Variants in MOXD1 observed in about 807,000 individuals in gnomAD.
The protein encoded by MOXD1 is monooxygenase DBH like 1, also known as DBH-like monooxygenase protein 1.
In MOXD1, 62 loss-of-function variants were observed where a neutral mutation model predicts 66.6. That is an observed-to-expected ratio of 0.93 (90% CI 0.76 to 1.15). The LOEUF (loss-of-function observed/expected upper bound fraction) is 1.15. Among genes scored for constraint, MOXD1 ranks in the 50% most tolerant of loss-of-function variants. The probability of loss-of-function intolerance (pLI) is 0.00; values close to 1 mark genes in which losing one functional copy is unlikely to be tolerated. For missense variants in MOXD1, 847 were observed against 754.6 expected (o/e 1.12, Z -1.44); for synonymous variants, 303 against 281.9 (o/e 1.07, Z -0.75).
chr6:132,399,707 C>T (rs1247469197), intron 1 of MOXD1, among the ~76,000 whole-genome samples: 7 of 152,194 alleles, frequency 4.6e-5, no homozygotes, highest in Non-Finnish European at 1.0e-4. Flanking sequence ...GAGTTATGCT[C>T]CCTTTTGTAG....
chr6:132,311,303 A>T (rs1264577259), intron 10 of MOXD1, among the ~76,000 whole-genome samples: 1 of 152,136 alleles, frequency 6.6e-6, no homozygotes, highest in East Asian at 1.9e-4. Flanking sequence ...AGAAATCATA[A>T]AGATTAGGGT....
rs1416372496 is a variant in MOXD1, at chr6:132,322,588, T to C, written c.1305+91A>G. ...TAAGAATACAGATGCAAGGAAAAAT[T>C]CATTTCACTAGTAGAAACCTTGCCA... is the stretch of plus-strand genomic sequence containing the variant. On this transcript the variant is annotated intron_variant, in intron 8 of 11. Coordinates refer to ENST00000367963, the MANE Select transcript of MOXD1 (RefSeq NM_015529.4). 7.0e-6 allele frequency: 9 copies of C among 1,292,480 alleles called. No individual in the cohort carries two copies. In the East Asian group the frequency reaches 2.2e-4, roughly 31 times the overall value. The allele number at this position is 1,292,480 out of a possible 1,614,324, so 80.1% of individuals were successfully genotyped here. A position where few individuals can be genotyped will look rare whatever the true frequency, so the allele number is the denominator to read the frequency against.
chr6:132,358,279 G>A (rs139467811), intron 4 of MOXD1, among the ~76,000 whole-genome samples: 2 of 152,260 alleles, frequency 1.3e-5, no homozygotes, highest in African/African-American at 2.4e-5. Context: ...CATAATACAC[G>A]TACTAATAAC....
intron 1 of MOXD1, among the ~76,000 whole-genome samples, chr6:132,389,347 G>C (rs1172935868): frequency 6.6e-6 from 1 of 151,472 alleles, no homozygotes; most frequent in East Asian, 1.9e-4. Flanking sequence ...TAAAACATCA[G>C]ATGGTCACTC....
intron 10 of MOXD1, among the ~76,000 whole-genome samples, chr6:132,311,430 A>G (rs1410941754): frequency 1.3e-5 from 2 of 151,530 alleles, no homozygotes; most frequent in African/African-American, 4.8e-5. Context: ...TATAAATAAT[A>G]AATACTTGGT....
chr6:132,323,776 A>C (rs1348675730), intron 7 of MOXD1, among the ~76,000 whole-genome samples, 155 bp downstream of exon 7: 1 of 152,360 alleles, frequency 6.6e-6, no homozygotes, highest in Non-Finnish European at 1.5e-5. Context: ...GATTTAAAAA[A>C]GCAGTCAAAA....
intron 4 of MOXD1, among the ~76,000 whole-genome samples, chr6:132,333,464 C>T (rs1176985112): frequency 2.0e-5 from 3 of 151,960 alleles, no homozygotes; most frequent in Admixed American, 6.6e-5. Context: ...CCAAGAGTTG[C>T]CTCTATTCAA....
At chr6:132,343,355 A>G (rs1042897954) in intron 4 of MOXD1, among the ~76,000 whole-genome samples, 1 of 152,200 alleles carries the variant, frequency 6.6e-6, no homozygotes, top group African/African-American at 2.4e-5. Context: ...TGGGCGGACC[A>G]CCAGAGGTTG....
intron 8 of MOXD1, among the ~76,000 whole-genome samples, chr6:132,321,243 G>C (rs1582568967): frequency 6.8e-6 from 1 of 148,070 alleles, no homozygotes; most frequent in Non-Finnish European, 1.5e-5. Context: ...CAGCCGGGGT[G>C]ACAGAGTGAG....
chr6:132,326,305 G>C (rs1019358059), intron 6 of MOXD1, among the ~76,000 whole-genome samples: 4 of 151,782 alleles, frequency 2.6e-5, no homozygotes, highest in African/African-American at 9.7e-5. Context: ...TAAAAATCCT[G>C]AGTTCTCTAT....
rs1346299732 is a variant in MOXD1, at chr6:132,401,230, G to A, written c.197C>T (p.Pro66Leu). 3 of 1,582,206 alleles carry A rather than the reference G, an allele frequency of 1.9e-6. No individual in the cohort carries two copies. The highest frequency in any genetic ancestry group is 8.5e-7 in the Non-Finnish European group (1 of 1,172,036). Residue 66 changes from proline to leucine, a missense_variant, in exon 1 of 12, where the codon CCC becomes CTC. Pro to Leu is a moderately conservative substitution (Grantham distance 98, BLOSUM62 -3). Coordinates refer to ENST00000367963, the MANE Select transcript of MOXD1 (RefSeq NM_015529.4). ...TAGYVGFGFS[P>L]TGAMASADIV... Reference sequence around the variant, plus strand: ...GTCGGCGGACGCCATGGCCCCGGTGGGCGAGAAGCCGAAGCCCACGTAGCC... The same window carrying A: ...GTCGGCGGACGCCATGGCCCCGGTGAGCGAGAAGCCGAAGCCCACGTAGCC...
At chr6:132,349,440 TATATATATATAC>T (rs1562290023) in intron 4 of MOXD1, among the ~76,000 whole-genome samples, 781 of 66,080 alleles carry the variant, frequency 0.012, 97 homozygotes, top group African/African-American at 0.024. Flanking sequence ...TATATACATA[TATATATATATAC>T]ATATATATAT....
intron 1 of MOXD1, among the ~76,000 whole-genome samples, chr6:132,379,178 T>C (rs1369508535): frequency 2.0e-5 from 3 of 151,812 alleles, no homozygotes; most frequent in Non-Finnish European, 4.4e-5. Context: ...AAAAGAATAA[T>C]ATAGCATGAT....
intron 4 of MOXD1, among the ~76,000 whole-genome samples, chr6:132,364,740 T>TATAGCC (rs1776082826): frequency 6.6e-6 from 1 of 152,214 alleles, no homozygotes; most frequent in Non-Finnish European, 1.5e-5. Flanking sequence ...TTGAGCTATC[T>TATAGCC]AATACATTGC....
intron 10 of MOXD1, among the ~76,000 whole-genome samples, chr6:132,304,845 T>A (rs1003173516): frequency 7.2e-5 from 11 of 152,102 alleles, no homozygotes; most frequent in African/African-American, 2.7e-4. Context: ...ATACTGAAAA[T>A]ACAAAATACT....
chr6:132,326,606 T>A (rs563018676), intron 6 of MOXD1, among the ~76,000 whole-genome samples: 1 of 152,176 alleles, frequency 6.6e-6, no homozygotes, highest in South Asian at 2.1e-4. Context: ...AATTTTTATG[T>A]TTTATAGTCA....
rs569684527 is a variant in MOXD1, at chr6:132,378,090, G to A, written c.265-3313C>T. Reference sequence around the variant, plus strand: ...GGAGGTTGCAGTGAACCAAGTTTGCGCCATTGCACTCCAGCCTGAGTGACA... The same window carrying A: ...GGAGGTTGCAGTGAACCAAGTTTGCACCATTGCACTCCAGCCTGAGTGACA... On this transcript the variant is annotated intron_variant, in intron 1 of 11. Transcript: ENST00000367963. 7.9e-5 allele frequency among the ~76,000 whole-genome samples: 12 copies of A among 152,054 alleles called. No homozygotes were observed. In the South Asian group the frequency reaches 8.3e-4, roughly 11 times the overall value.
intron 1 of MOXD1, among the ~76,000 whole-genome samples, chr6:132,396,672 A>C (rs1172956632): frequency 6.6e-6 from 1 of 152,140 alleles, no homozygotes; most frequent in Non-Finnish European, 1.5e-5. Context: ...ACATAAAATC[A>C]AAAATGAAAA....
At chr6:132,314,694 C>A (rs1379799549) in intron 10 of MOXD1, among the ~76,000 whole-genome samples, 1 of 152,178 alleles carries the variant, frequency 6.6e-6, no homozygotes, top group African/African-American at 2.4e-5. Context: ...ACGGAGGTCG[C>A]TGCTCAGATA....
Sources: allele counts gnomAD v4.1 joint callset (sites outside exome capture counted in the v4.1 genomes callset), GRCh38; gene constraint gnomAD v4.1.1; transcripts MANE v1.5; gene names NCBI Gene and HGNC (gene_info 2026-07-23, HGNC 2026-07-21).